Variants in KAT6B observed in about 807,000 individuals in gnomAD.
The protein encoded by KAT6B is lysine acetyltransferase 6B.
A neutral mutation model predicts 187.5 loss-of-function variants in KAT6B; 10 were observed. The observed-to-expected ratio is 0.05, with a 90% CI of 0.03 to 0.09. The LOEUF (loss-of-function observed/expected upper bound fraction) is 0.09. KAT6B is among the 10% of genes least tolerant of loss of function. KAT6B has a pLI of 1.00. For missense variants in KAT6B, 1,952 were observed against 2,558.9 expected, an observed-to-expected ratio of 0.76 and a Z score of 5.12; for synonymous variants, 861 against 926.8, an observed-to-expected ratio of 0.93 and a Z score of 1.29.
chr10:75,021,783 A>C, intron 15 of KAT6B, 98 bp from the exon 16 acceptor site: 1 of 1,329,328 alleles, frequency 7.5e-7, no homozygotes, highest in Admixed American at 1.9e-5. Flanking sequence ...GGCTGTCCTG[A>C]TCAGAACCGA....
Position 74,842,012 on chromosome 10 carries a change from A to C in KAT6B, c.-258-588A>C, listed in dbSNP as rs147966645. ...AGAATGCTCTACTACTTAAAGGTGA[A>C]GGGTTATGTTACTGTATTATTTTCA... On this transcript the variant is annotated intron_variant, in intron 2 of 17. Transcript: ENST00000287239. Among the ~76,000 whole-genome samples the C allele has an allele frequency of 6.2e-3, 952 of 152,346 alleles. 8 individuals carry two copies. Among genetic ancestry groups the C allele is most frequent in the East Asian group, 0.032 (167 of 5,190 alleles).
intron 3 of KAT6B, among the ~76,000 whole-genome samples, chr10:74,905,345 C>G (rs1263217434): frequency 6.6e-6 from 1 of 152,132 alleles, no homozygotes; most frequent in Non-Finnish European, 1.5e-5. Context: ...AAGAAATGGG[C>G]AATAAATTAA....
At chr10:74,849,786 C>T (rs954431339) in intron 3 of KAT6B, among the ~76,000 whole-genome samples, 4 of 152,148 alleles carry the variant, frequency 2.6e-5, no homozygotes, top group African/African-American at 9.7e-5. Context: ...TAGATTATTA[C>T]CCTTATTTTA....
At chr10:74,979,886 C>G (rs887315154) in intron 10 of KAT6B, among the ~76,000 whole-genome samples, 1 of 152,190 alleles carries the variant, frequency 6.6e-6, no homozygotes, top group Non-Finnish European at 1.5e-5. Flanking sequence ...AGGCCAGGCC[C>G]GGTGACTCAC....
intron 3 of KAT6B, among the ~76,000 whole-genome samples, chr10:74,955,299 A>G (rs1840594070): frequency 6.6e-6 from 1 of 151,596 alleles, no homozygotes; most frequent in African/African-American, 2.4e-5. Context: ...GAATCCACGG[A>G]TATTAATCCC....
At chr10:75,013,057 C>T (rs1473976510) in intron 13 of KAT6B, among the ~76,000 whole-genome samples, 1 of 152,242 alleles carries the variant, frequency 6.6e-6, no homozygotes, top group East Asian at 1.9e-4. Context: ...TGACCCAGGG[C>T]AGCCAGCCTC....
At chr10:74,849,923 A>C (rs949325385) in intron 3 of KAT6B, among the ~76,000 whole-genome samples, 1 of 150,428 alleles carries the variant, frequency 6.6e-6, no homozygotes, top group Non-Finnish European at 1.5e-5. Context: ...TGGGCAGTAC[A>C]CTGGTCAACA....
At chr10:74,907,271 T>G (rs1846839146) in intron 3 of KAT6B, among the ~76,000 whole-genome samples, 3 of 152,164 alleles carry the variant, frequency 2.0e-5, no homozygotes, top group African/African-American at 7.2e-5. Context: ...TTCAGAACAT[T>G]TGGAACTTTT....
intron 13 of KAT6B, among the ~76,000 whole-genome samples, chr10:75,019,812 T>G (rs1452070161): frequency 1.3e-5 from 2 of 151,418 alleles, no homozygotes; most frequent in Admixed American, 6.6e-5. Context: ...CCAAGGAACC[T>G]TCACAGTAAT....
chr10:74,850,430 C>G (rs1842406998), intron 3 of KAT6B, among the ~76,000 whole-genome samples: 1 of 152,144 alleles, frequency 6.6e-6, no homozygotes, highest in Non-Finnish European at 1.5e-5. Flanking sequence ...TGCATGACTG[C>G]TAGGAGGAAT....
intron 3 of KAT6B, among the ~76,000 whole-genome samples, chr10:74,858,365 G>A (rs1171593437): frequency 6.7e-6 from 1 of 150,106 alleles, no homozygotes; most frequent in Non-Finnish European, 1.5e-5. Context: ...GCTCACTGCA[G>A]CCTTGACCTC....
At chr10:75,014,677 G>A (rs550818902) in intron 13 of KAT6B, among the ~76,000 whole-genome samples, 1 of 152,290 alleles carries the variant, frequency 6.6e-6, no homozygotes, top group Admixed American at 6.5e-5. Flanking sequence ...GTTGTTAGAG[G>A]TGCAGAATCT....
chr10:74,913,130 G>A lies in KAT6B; in HGVS notation c.622-46840G>A, dbSNP rs1225296957. ...GCTATGACAAGCTATTATTCAGTGT[G>A]GTTATTTTGTATGACAGGTAAGTCT... On this transcript the variant is annotated intron_variant, in intron 3 of 17. Transcript: ENST00000287239. Among the ~76,000 whole-genome samples, 3 of 152,172 alleles carry A rather than the reference G, an allele frequency of 2.0e-5. No homozygotes were observed. The East Asian group carries it at 5.8e-4, about 29-fold the overall frequency.
In KAT6B at chr10:74,995,993, G is replaced by A. The variant is rs559175796; in HGVS notation, c.2629+6881G>A. ...CCTGGGCTCTGACCCAGGAGAGACC[G>A]AGGGAACACCAACTGATTCAGCAGT... On this transcript the variant is annotated intron_variant, in intron 13 of 17. Coordinates refer to ENST00000287239, the MANE Select transcript of KAT6B (RefSeq NM_012330.4). Among the ~76,000 whole-genome samples the A allele has an allele frequency of 6.6e-5, 10 of 152,322 alleles. No homozygotes were observed. The South Asian group carries it at 1.2e-3, about 19-fold the overall frequency.
chr10:74,834,417 C>T lies in KAT6B; in HGVS notation c.-328-4266C>T, dbSNP rs540198493. Among the ~76,000 whole-genome samples the T allele has an allele frequency of 1.4e-3, 212 of 152,144 alleles. 2 individuals are homozygous for T. The highest frequency in any genetic ancestry group is 1.7e-3 in the Non-Finnish European group (115 of 68,000). ...TTCACCATGTTGGCCAGGATGGTCTCAATCTCCTGACCTCGTGATCTGCCC... is the reference window on the plus strand; with the variant it reads ...TTCACCATGTTGGCCAGGATGGTCTTAATCTCCTGACCTCGTGATCTGCCC... On this transcript the variant is annotated intron_variant, in intron 1 of 17. Coordinates refer to ENST00000287239, the MANE Select transcript of KAT6B (RefSeq NM_012330.4).
intron 13 of KAT6B, among the ~76,000 whole-genome samples, chr10:75,008,058 A>AT (rs1407321883): frequency 6.6e-6 from 1 of 152,200 alleles, no homozygotes; most frequent in African/African-American, 2.4e-5. Flanking sequence ...ATTCCTGTAA[A>AT]TTTCACTTTC....
chr10:74,855,945 T>C lies in KAT6B; in HGVS notation c.621+12467T>C, dbSNP rs148797848. On this transcript the variant is annotated intron_variant, in intron 3 of 17. Coordinates refer to ENST00000287239, the MANE Select transcript of KAT6B (RefSeq NM_012330.4). ...AAACTGTTGGAAACTAAATTACAAA[T>C]ATTATATTTCACCCCTAAATACTTA... Among the ~76,000 whole-genome samples the C allele has an allele frequency of 1.5e-3, 221 of 152,298 alleles. 6 individuals are homozygous for C. In the East Asian group the frequency reaches 0.032, roughly 22 times the overall value.
chr10:75,029,659 G>T lies in KAT6B; in HGVS notation c.4835G>T (p.Arg1612Leu). ...SVHSHPGQSV[R>L]SVNSPSVPAL... ...CACTCCCATCCTGGCCAGTCCGTAC[G>T]TTCTGTCAACAGCCCAAGTGTCCCT... The change falls in exon 18 of 18, where the codon CGT becomes CTT. Residue 1612 changes from arginine to leucine, a missense_variant. Arg to Leu is a moderately radical substitution (Grantham distance 102). Around this residue, in one of 9 missense-constraint regions of KAT6B, gnomAD observed 758 missense variants for 891.4 expected, o/e 0.85. Transcript: ENST00000287239. This position sits in a 1 kb window ranked among gnomAD's most constrained non-coding sequence, Gnocchi z 6.2. 6.2e-7 allele frequency: 1 copy of T among 1,614,122 alleles called. No homozygotes were observed. The highest frequency in any genetic ancestry group is 8.5e-7 in the Non-Finnish European group (1 of 1,180,020).
intron 12 of KAT6B, among the ~76,000 whole-genome samples, chr10:74,988,162 G>A (rs1842930586): frequency 6.6e-6 from 1 of 152,172 alleles, no homozygotes; most frequent in Non-Finnish European, 1.5e-5. Flanking sequence ...TTTGTGGTCA[G>A]TCTTATTTGT....
Sources: allele counts gnomAD v4.1 joint callset (sites outside exome capture counted in the v4.1 genomes callset), GRCh38; gene constraint gnomAD v4.1.1; regional missense constraint gnomAD v4.1.1; non-coding constraint Gnocchi (gnomAD v3.1); transcripts MANE v1.5; gene names NCBI Gene and HGNC (gene_info 2026-07-23, HGNC 2026-07-21).